The following MSL2 variants were observed in gnomAD, a reference collection of about 807,000 sequenced individuals.
MSL2 encodes MSL complex subunit 2, also known as E3 ubiquitin-protein ligase MSL2.
A neutral mutation model predicts 35.8 loss-of-function variants in MSL2; 2 were observed. The observed-to-expected ratio is 0.06, with a 90% CI of 0.02 to 0.18. The LOEUF (loss-of-function observed/expected upper bound fraction) is 0.18, where lower values mean the gene tolerates loss of function less well. Among genes scored for constraint, MSL2 ranks in the 10% least tolerant of loss-of-function variants. The probability of loss-of-function intolerance (pLI) is 1.00; values close to 1 mark genes in which losing one functional copy is unlikely to be tolerated. For missense variants in MSL2, 523 were observed against 706.7 expected, an observed-to-expected ratio of 0.74 and a Z score of 2.95; for synonymous variants, 296 against 255.7, an observed-to-expected ratio of 1.16 and a Z score of -1.50.
intron 1 of MSL2, among the ~76,000 whole-genome samples, chr3:136,159,040 G>C (rs1435158745): frequency 6.6e-6 from 1 of 152,160 alleles, no homozygotes; most frequent in Non-Finnish European, 1.5e-5. Flanking sequence ...GTGTCTGTAA[G>C]TTCAATGCAA....
At chr3:136,186,154 T>A (rs1940516416) in intron 1 of MSL2, among the ~76,000 whole-genome samples, 3 of 152,186 alleles carry the variant, frequency 2.0e-5, no homozygotes, top group Admixed American at 2.0e-4. Flanking sequence ...TTACTTCATT[T>A]CTGATATGAA....
At chr3:136,170,155 A>C (rs1445495470) in intron 1 of MSL2, among the ~76,000 whole-genome samples, 1 of 151,672 alleles carries the variant, frequency 6.6e-6, no homozygotes, top group Non-Finnish European at 1.5e-5. Flanking sequence ...CAGCCTGGCC[A>C]ACATGGTGAA....
rs529919418 is a variant in MSL2 at position 136,184,097 on chromosome 3, C to A, written c.142+10875G>T. 3.2e-4 allele frequency among the ~76,000 whole-genome samples: 48 copies of A among 151,228 alleles called. 2 individuals are homozygous for A. In the South Asian group the frequency reaches 9.9e-3, roughly 31 times the overall value. ...GATCACGAAGTCAGGAGATAGAGAC[C>A]ATCCTGGCTAACACGGTGAAACCCC... On this transcript the variant is annotated intron_variant, in intron 1 of 1. Coordinates refer to ENST00000309993, the MANE Select transcript of MSL2 (RefSeq NM_018133.4).
chr3:136,160,341 G>GGGAA (rs1553764837), intron 1 of MSL2, among the ~76,000 whole-genome samples: 5 of 2,948 alleles, frequency 1.7e-3, no homozygotes, highest in Non-Finnish European at 4.1e-3. Context: ...GAAGGAAGGA[G>GGGAA]GGAGGGAGGG....
intron 1 of MSL2, among the ~76,000 whole-genome samples, chr3:136,190,154 C>A (rs1940644757): frequency 6.6e-6 from 1 of 152,178 alleles, no homozygotes; most frequent in African/African-American, 2.4e-5. Flanking sequence ...CTACTCAGCA[C>A]TTGGCCAATA....
At chr3:136,178,307 T>C (rs1393851254) in intron 1 of MSL2, among the ~76,000 whole-genome samples, 6 of 152,182 alleles carry the variant, frequency 3.9e-5, no homozygotes, top group African/African-American at 1.2e-4. Context: ...TAAGATAATG[T>C]AGGCTGATTA....
chr3:136,153,205 G>A (rs896914656), intron 1 of MSL2: 3 of 310,822 alleles, frequency 9.7e-6, no homozygotes, highest in East Asian at 1.7e-4. Context: ...CTGCACTCCC[G>A]CCTGGGTGAC....
chr3:136,165,253 C>A (rs1157282090), intron 1 of MSL2, among the ~76,000 whole-genome samples: 1 of 150,374 alleles, frequency 6.7e-6, no homozygotes, highest in East Asian at 1.9e-4. Flanking sequence ...GAAACCTTAT[C>A]TGCAATATTT....
At chr3:136,194,684 T>C (rs969153685) in intron 1 of MSL2, 19 of 342,270 alleles carry the variant, frequency 5.6e-5, no homozygotes, top group Non-Finnish European at 9.1e-5. Flanking sequence ...AAAAGCCTTG[T>C]GCATGCATCT....
In MSL2 at chr3:136,194,813, A is replaced by G. The variant is rs1419508285; in HGVS notation, c.142+159T>C. ...CTCTGCCTTTCTGAAACGCCGGGCA[A>G]AAGTCCCTCAGCAAGTTTCAAAACT... On this transcript the variant is annotated intron_variant, in intron 1 of 1. Transcript: ENST00000309993. 2.0e-5 allele frequency among the ~76,000 whole-genome samples: 3 copies of G among 152,238 alleles called. No homozygotes were observed. The East Asian group carries it at 5.8e-4, about 29-fold the overall frequency.
At chr3:136,179,175 G>A (rs1184498517) in intron 1 of MSL2, among the ~76,000 whole-genome samples, 1 of 151,390 alleles carries the variant, frequency 6.6e-6, no homozygotes, top group Admixed American at 6.6e-5. Flanking sequence ...GGTCACAGGT[G>A]TTCACTTTGT....
At chr3:136,166,112 G>C (rs1382416516) in intron 1 of MSL2, among the ~76,000 whole-genome samples, 1 of 150,012 alleles carries the variant, frequency 6.7e-6, no homozygotes, top group Non-Finnish European at 1.5e-5. Context: ...AACTGGGCCA[G>C]GCACGATGGC....
At chr3:136,194,455 G>A (rs1306821288) in intron 1 of MSL2, 17 of 985,438 alleles carry the variant, frequency 1.7e-5, no homozygotes, top group Non-Finnish European at 1.9e-5. Context: ...CCGTCAAACC[G>A]TCAAAGCATT....
At chr3:136,175,142 G>C (rs982119513) in intron 1 of MSL2, among the ~76,000 whole-genome samples, 5 of 151,958 alleles carry the variant, frequency 3.3e-5, no homozygotes, top group African/African-American at 1.2e-4. Context: ...TCAGGAGTTC[G>C]ATACCAGCCT....
intron 1 of MSL2, chr3:136,194,556 G>C (rs117922011): frequency 1.7e-6 from 1 of 601,822 alleles, no homozygotes; most frequent in Non-Finnish European, 2.1e-6. Context: ...CACCAGTTTG[G>C]GGAAATGCAA....
intron 1 of MSL2, among the ~76,000 whole-genome samples, chr3:136,157,813 C>T (rs1939576346): frequency 6.6e-6 from 1 of 152,144 alleles, no homozygotes; most frequent in South Asian, 2.1e-4. Context: ...AGTTTTAAAA[C>T]TGAATAGACC....
chr3:136,161,018 C>A (rs778423291), intron 1 of MSL2, among the ~76,000 whole-genome samples: 1 of 151,884 alleles, frequency 6.6e-6, no homozygotes, highest in Non-Finnish European at 1.5e-5. Flanking sequence ...ACCCGGGAGG[C>A]GGAGGTTGCA....
In MSL2 at chr3:136,152,676, T is replaced by G. The variant is rs777905901; in HGVS notation, c.205A>C (p.Thr69Pro). The change falls in exon 2 of 2, where the codon ACT (threonine) becomes CCT (proline). Residue 69 changes from threonine (T) to proline (P), a missense_variant. Coordinates refer to ENST00000309993, the MANE Select transcript of MSL2 (RefSeq NM_018133.4). ...NSTCQHYVCK[T>P]CKGKKMMMKP... Reference sequence around the variant, plus strand: ...ATCATCATTTTCTTGCCTTTACAAGTTTTGCAGACATAATGTTGGCAGGTG... The same window carrying G: ...ATCATCATTTTCTTGCCTTTACAAGGTTTGCAGACATAATGTTGGCAGGTG... 1 of 1,614,166 alleles carries G rather than the reference T, an allele frequency of 6.2e-7. No individual in the cohort carries two copies. The highest frequency in any genetic ancestry group is 2.2e-5 in the East Asian group (1 of 44,876).
At chr3:136,178,009 A>G (rs768411137) in intron 1 of MSL2, among the ~76,000 whole-genome samples, 1 of 152,210 alleles carries the variant, frequency 6.6e-6, no homozygotes, top group Non-Finnish European at 1.5e-5. Context: ...CTTTTGACGA[A>G]TAAGTTTCAC....
Sources: gnomAD v4.1 joint callset for allele counts (sites outside exome capture counted in the v4.1 genomes callset) on GRCh38, gnomAD v4.1.1 for gene constraint, MANE v1.5 for transcripts, NCBI Gene and HGNC (gene_info 2026-07-23, HGNC 2026-07-21) for gene names.